GPR158: variants seen among roughly 807,000 people sequenced by gnomAD.
GPR158 encodes the protein metabotropic glycine receptor.
In GPR158, 30 loss-of-function variants were observed where a neutral mutation model predicts 78.2. The observed-to-expected ratio is 0.38, with a 90% CI of 0.29 to 0.52. The LOEUF is 0.52. GPR158 is among the 20% of genes least tolerant of loss of function. GPR158 has a pLI of 0.83. For missense variants in GPR158, 1,463 were observed against 1,523.5 expected, an observed-to-expected ratio of 0.96 and a Z score of 0.66; for synonymous variants, 581 against 591.1, an observed-to-expected ratio of 0.98 and a Z score of 0.25.
At chr10:25,374,900 T>G (rs538334298) in intron 2 of GPR158, among the ~76,000 whole-genome samples, 1 of 151,750 alleles carries the variant, frequency 6.6e-6, no homozygotes, top group Non-Finnish European at 1.5e-5. Context: ...TTTTCTGGTT[T>G]AAATGCCTAA....
At chr10:25,300,577 T>C (rs993005049) in intron 2 of GPR158, among the ~76,000 whole-genome samples, 1 of 22,736 alleles carries the variant, frequency 4.4e-5, no homozygotes, top group African/African-American at 7.1e-4. Flanking sequence ...TACCACATAT[T>C]CTTAAGTACT....
chr10:25,471,838 ATTC>A (rs1835508786), intron 5 of GPR158, among the ~76,000 whole-genome samples: 1 of 151,846 alleles, frequency 6.6e-6, no homozygotes, highest in Non-Finnish European at 1.5e-5. Flanking sequence ...ATTTGTTCGT[ATTC>A]TTTGTAGATT....
chr10:25,446,369 C>T (rs572292061), intron 4 of GPR158, among the ~76,000 whole-genome samples: 6 of 152,266 alleles, frequency 3.9e-5, no homozygotes, highest in African/African-American at 1.4e-4. Context: ...ATGATATGTG[C>T]TTTCAGACCA....
intron 4 of GPR158, among the ~76,000 whole-genome samples, chr10:25,424,723 G>A (rs1433392133): frequency 6.6e-6 from 1 of 151,878 alleles, no homozygotes; most frequent in Non-Finnish European, 1.5e-5. Context: ...TGAGGCCTCT[G>A]TTCTGTTCCA....
chr10:25,208,701 T>C (rs1853084939), intron 1 of GPR158, among the ~76,000 whole-genome samples: 1 of 151,950 alleles, frequency 6.6e-6, no homozygotes, highest in Admixed American at 6.6e-5. Context: ...GACCACATGG[T>C]GGCCTCTACA....
intron 2 of GPR158, among the ~76,000 whole-genome samples, chr10:25,364,272 TC>T (rs1448277004): frequency 6.6e-6 from 1 of 151,948 alleles, no homozygotes; most frequent in African/African-American, 2.4e-5. Flanking sequence ...CAATGATTCA[TC>T]CAAATCCTTG....
chr10:25,255,600 G>T (rs1853879707), intron 2 of GPR158, among the ~76,000 whole-genome samples: 1 of 152,106 alleles, frequency 6.6e-6, no homozygotes, highest in Non-Finnish European at 1.5e-5. Context: ...TTATTTGTTT[G>T]TCTGTTTGTT....
chr10:25,551,983 T>G (rs1448011512), intron 6 of GPR158, among the ~76,000 whole-genome samples: 1 of 152,200 alleles, frequency 6.6e-6, no homozygotes, highest in East Asian at 1.9e-4. Flanking sequence ...AGTGGTTTAA[T>G]TACACTGTCT....
intron 3 of GPR158, among the ~76,000 whole-genome samples, chr10:25,406,840 G>A (rs1239589182): frequency 6.6e-6 from 1 of 152,114 alleles, no homozygotes. Flanking sequence ...TAGTAGGAGG[G>A]AAGTTAATCT....
At chr10:25,562,024 ATTTTT>A (rs34320289) in intron 6 of GPR158, among the ~76,000 whole-genome samples, 1 of 140,802 alleles carries the variant, frequency 7.1e-6, no homozygotes, top group African/African-American at 2.6e-5. Context: ...ATGCAGAAGA[ATTTTT>A]TTTTTTTTTT....
chr10:25,431,111 C>T (rs1023944342), intron 4 of GPR158, among the ~76,000 whole-genome samples: 20 of 128,594 alleles, frequency 1.6e-4, no homozygotes, highest in Non-Finnish European at 2.6e-4. Context: ...GCAACCTACT[C>T]ATCTGACAAA....
At chr10:25,493,508 T>G (rs1564470598) in intron 5 of GPR158, among the ~76,000 whole-genome samples, 2 of 151,994 alleles carry the variant, frequency 1.3e-5, no homozygotes, top group Admixed American at 1.3e-4. Context: ...TAAAAAAAAA[T>G]GTTTCATTTT....
At chr10:25,395,140 A>G (rs1310380670) in intron 2 of GPR158, among the ~76,000 whole-genome samples, 1 of 152,126 alleles carries the variant, frequency 6.6e-6, no homozygotes, top group African/African-American at 2.4e-5. Flanking sequence ...GTTAAGCTAA[A>G]TTTTACTTGG....
intron 2 of GPR158, among the ~76,000 whole-genome samples, chr10:25,352,129 C>A (rs936377144): frequency 6.6e-6 from 1 of 152,054 alleles, no homozygotes; most frequent in Non-Finnish European, 1.5e-5. Context: ...CTGCAGAAGG[C>A]CTCCAGGACC....
intron 1 of GPR158, among the ~76,000 whole-genome samples, chr10:25,211,992 T>C (rs2130670580): frequency 6.6e-6 from 1 of 152,294 alleles, no homozygotes; most frequent in East Asian, 1.9e-4. Context: ...TTTCACAACT[T>C]TTATTATTCT....
chr10:25,570,654 G>A (rs1353324882), intron 6 of GPR158, among the ~76,000 whole-genome samples: 1 of 152,114 alleles, frequency 6.6e-6, no homozygotes, highest in Non-Finnish European at 1.5e-5. Flanking sequence ...GCTCTCGCCT[G>A]TAATAATCCC....
chr10:25,303,069 C>G (rs1854622629), intron 2 of GPR158, among the ~76,000 whole-genome samples: 1 of 152,172 alleles, frequency 6.6e-6, no homozygotes, highest in Non-Finnish European at 1.5e-5. Context: ...GATATGAAGA[C>G]AGTTAAGGAT....
At chr10:25,504,499 A>G (rs1466420317) in intron 5 of GPR158, among the ~76,000 whole-genome samples, 2 of 152,188 alleles carry the variant, frequency 1.3e-5, no homozygotes, top group African/African-American at 2.4e-5. Flanking sequence ...CATGGTGGAT[A>G]GCATCTTCAC....
intron 7 of GPR158, 66 bp from the exon 8 acceptor site, chr10:25,588,941 C>A: frequency 8.8e-7 from 1 of 1,138,780 alleles, no homozygotes; most frequent in Non-Finnish European, 1.2e-6. Context: ...AAACAAAATG[C>A]ATGCTAAAGA....
Sources: allele counts gnomAD v4.1 joint callset (sites outside exome capture counted in the v4.1 genomes callset), GRCh38; gene constraint gnomAD v4.1.1; transcripts MANE v1.5; gene names NCBI Gene and HGNC (gene_info 2026-07-23, HGNC 2026-07-21).